The following UPF3A variants were observed in gnomAD, a reference collection of about 807,000 sequenced individuals.
UPF3A encodes the protein regulator of nonsense transcripts 3A.
A neutral mutation model predicts 53.5 loss-of-function variants in UPF3A; 42 were observed. That is an observed-to-expected ratio of 0.78 (90% CI 0.61 to 1.01). UPF3A has a LOEUF of 1.01. Ranked by LOEUF, UPF3A falls within the 50% of genes least tolerant of loss-of-function variation. The pLI is 0.00. For missense variants in UPF3A, 575 were observed against 598.0 expected (o/e 0.96, Z 0.40); for synonymous variants, 237 against 225.3 (o/e 1.05, Z -0.47).
intron 5 of UPF3A, among the ~76,000 whole-genome samples, chr13:114,290,304 CAG>C (rs904805024): frequency 9.9e-5 from 15 of 152,150 alleles, no homozygotes; most frequent in Admixed American, 2.6e-4. Flanking sequence ...GTCAGGGTGT[CAG>C]GGGTTCTCAG....
At chr13:114,283,863 A>G in intron 3 of UPF3A, 1 of 985,270 alleles carries the variant, frequency 1.0e-6, no homozygotes, top group Non-Finnish European at 1.2e-6. Flanking sequence ...TCCCCTCCCC[A>G]GCCACCCTCT....
chr13:114,295,122 A>AC (rs1555372965), intron 7 of UPF3A, among the ~76,000 whole-genome samples: 17 of 151,474 alleles, frequency 1.1e-4, no homozygotes, highest in Admixed American at 5.3e-4. Flanking sequence ...AAAAAAAAAA[A>AC]AAAAAAGAAA....
At chr13:114,282,415 C>T (rs1161139369) in intron 2 of UPF3A, 8 of 1,208,736 alleles carry the variant, frequency 6.6e-6, no homozygotes, top group African/African-American at 6.5e-5. Context: ...CGGCGCCTCC[C>T]GGGCTTCCCT....
At chr13:114,286,022 A>G in intron 3 of UPF3A, 2 of 397,518 alleles carry the variant, frequency 5.0e-6, no homozygotes, top group Non-Finnish European at 4.5e-6. Context: ...CCACCACAAC[A>G]TGATGGATTG....
At position 114,281,805 on chromosome 13, in the gene UPF3A, G is replaced by A. The variant is rs747224471; in HGVS notation, c.166G>A (p.Ala56Thr). 42 of 1,553,770 alleles carry A rather than the reference G, an allele frequency of 2.7e-5. No homozygotes were observed. The highest frequency in any genetic ancestry group is 2.0e-4 in the South Asian group (17 of 84,284). ...TTCGTCCTCCGGTTGCGGGGGCGGT[G>A]CGGGCAAACCTCGCGAGGAGAAGAG... ...PTSSSGCGGG[A>T]GKPREEKRTA... Residue 56 changes from alanine (A) to threonine (T), a missense_variant, in exon 1 of 10, where the codon GCG becomes ACG. By Grantham distance (58) the Ala-to-Thr change is moderately conservative. This residue lies in a region of UPF3A where 252 missense variants were observed against 182.7 expected (regional missense o/e 1.38). Coordinates refer to ENST00000375299, the MANE Select transcript of UPF3A (RefSeq NM_023011.4).
At chr13:114,294,307 C>A (rs570815482) in intron 7 of UPF3A, among the ~76,000 whole-genome samples, 2 of 148,738 alleles carry the variant, frequency 1.3e-5, no homozygotes, top group East Asian at 4.0e-4. Flanking sequence ...CTCAATGTGT[C>A]ACCCAGGCTG....
chr13:114,298,800 G>C (rs372827451), intron 7 of UPF3A, 40 bp from the exon 8 acceptor site: 16 of 1,440,430 alleles, frequency 1.1e-5, no homozygotes, highest in East Asian at 5.1e-5. Context: ...TTTAAAATAT[G>C]CTCTCAAGGT....
intron 7 of UPF3A, among the ~76,000 whole-genome samples, chr13:114,292,283 G>A (rs761423777): frequency 2.0e-5 from 3 of 149,874 alleles, no homozygotes; most frequent in Non-Finnish European, 4.4e-5. Context: ...TACACGTGCA[G>A]GTGTGTTACG....
intron 3 of UPF3A, among the ~76,000 whole-genome samples, chr13:114,284,254 C>G (rs773637686): frequency 2.0e-5 from 3 of 151,662 alleles, no homozygotes; most frequent in African/African-American, 4.9e-5. Flanking sequence ...CCCAGCTACT[C>G]GGAAGACTGA....
chr13:114,298,178 C>T (rs2086238669), intron 7 of UPF3A, among the ~76,000 whole-genome samples: 1 of 152,012 alleles, frequency 6.6e-6, no homozygotes, highest in African/African-American at 2.4e-5. Context: ...TTGAGATCAG[C>T]CTGGCCGACA....
At chr13:114,299,655 C>T (rs1188160613) in intron 8 of UPF3A, among the ~76,000 whole-genome samples, 4 of 152,212 alleles carry the variant, frequency 2.6e-5, no homozygotes, top group Admixed American at 1.3e-4. Flanking sequence ...ATTATCTGCC[C>T]GGTGGGCCAG....
At chr13:114,302,488 G>A (rs1326045243) in intron 9 of UPF3A, among the ~76,000 whole-genome samples, 2 of 151,612 alleles carry the variant, frequency 1.3e-5, no homozygotes. Flanking sequence ...TTTTTTTTCA[G>A]GAGCTAATTT....
intron 5 of UPF3A, among the ~76,000 whole-genome samples, chr13:114,291,252 AT>A (rs2085242873): frequency 6.6e-6 from 1 of 152,224 alleles, no homozygotes; most frequent in African/African-American, 2.4e-5. Flanking sequence ...ATCTTGGAAT[AT>A]TTTAAGCCTC....
intron 7 of UPF3A, among the ~76,000 whole-genome samples, chr13:114,293,276 C>T (rs981837219): frequency 1.3e-5 from 2 of 150,870 alleles, no homozygotes; most frequent in Non-Finnish European, 2.9e-5. Context: ...CCCAGCTACT[C>T]AGGAGGCTGA....
chr13:114,301,946 G>C lies in UPF3A; in HGVS notation c.1223G>C (p.Gly408Ala). ...GGGAGCCAGGACAGCGGGGCTCCGG[G>C]GGAGGCCATGGAGAGACTGGGAAGA... ...KKGSQDSGAP[G>A]EAMERLGRAQ... The change falls in exon 9 of 10, where the codon GGG becomes GCG. Residue 408 changes from glycine (G) to alanine (A), a missense_variant. By Grantham distance (60) the Gly-to-Ala change is moderately conservative (BLOSUM62 0). Coordinates refer to ENST00000375299, the MANE Select transcript of UPF3A (RefSeq NM_023011.4). 4 of 1,611,706 alleles carry C rather than the reference G, an allele frequency of 2.5e-6. No homozygotes were observed. Among genetic ancestry groups the C allele is most frequent in the Non-Finnish European group, 3.4e-6 (4 of 1,178,822 alleles).
rs139603135 is a variant in UPF3A at position 114,287,132 on chromosome 13, A to G, written c.631+503A>G. On this transcript the variant is annotated intron_variant, in intron 5 of 9. Transcript: ENST00000375299. ...TCCAGCCTTCCACCCCATGCCCACAAGTGGTGTACTTTAGAAATAGTTACT... is the reference window on the plus strand; with the variant it reads ...TCCAGCCTTCCACCCCATGCCCACAGGTGGTGTACTTTAGAAATAGTTACT... The G allele has an allele frequency of 5.8e-3, 903 of 155,840 alleles. 55 individuals carry two copies. In the South Asian group the frequency reaches 0.12, roughly 21 times the overall value. The allele number at this position is 155,840 out of a possible 1,614,324, so 9.7% of individuals were successfully genotyped here.
chr13:114,286,765 C>T lies in UPF3A; in HGVS notation c.631+136C>T, dbSNP rs1305202749. On this transcript the variant is annotated intron_variant, in intron 5 of 9. Transcript: ENST00000375299. The stretch of plus-strand genomic sequence containing the variant: ...CTTGACAGAAATGTAGAGTGATTTC[C>T]AGTTTTGACAAAAGAATGGCAAGAT... 4.3e-6 allele frequency: 3 copies of T among 703,872 alleles called. No individual in the cohort carries two copies. In the Admixed American group the frequency reaches 9.8e-5, roughly 23 times the overall value. The allele number at this position is 703,872 out of a possible 1,614,324, so 43.6% of individuals were successfully genotyped here.
Position 114,291,928 on chromosome 13 carries a change from TTTTCCATCTTTC to T in UPF3A, c.846+145_846+156del. On this transcript the variant is annotated intron_variant, in intron 7 of 9. Coordinates refer to ENST00000375299, the MANE Select transcript of UPF3A (RefSeq NM_023011.4). The stretch of plus-strand genomic sequence containing the variant: ...TATTGTGTTGTTATTTTTTTCCATC[TTTTCCATCTTTC>T]TTTCCATCCTACAGCAGTGGTTATC... 3 of 1,195,110 alleles carry T rather than the reference TTTTCCATCTTTC, an allele frequency of 2.5e-6. 1 individual carries two copies. The highest frequency in any genetic ancestry group is 1.6e-5 in the South Asian group (1 of 60,762). The allele number at this position is 1,195,110 out of a possible 1,614,324, so 74.0% of individuals were successfully genotyped here.
intron 7 of UPF3A, among the ~76,000 whole-genome samples, chr13:114,292,335 C>T (rs544862847): frequency 4.0e-5 from 6 of 149,680 alleles, no homozygotes; most frequent in Non-Finnish European, 8.9e-5. Flanking sequence ...AGATGTGTCA[C>T]ATGTTCATTT....
Sources: gnomAD v4.1 joint callset for allele counts (sites outside exome capture counted in the v4.1 genomes callset) on GRCh38, gnomAD v4.1.1 for gene constraint, gnomAD v4.1.1 regional missense constraint, MANE v1.5 for transcripts, NCBI Gene and HGNC (gene_info 2026-07-23, HGNC 2026-07-21) for gene names.